The following BMPR2 variants were observed in gnomAD, a reference collection of about 807,000 sequenced individuals.
BMPR2 encodes bone morphogenetic protein receptor type-2.
A neutral mutation model predicts 100.8 loss-of-function variants in BMPR2; 29 were observed. The observed-to-expected ratio is 0.29, with a 90% CI of 0.21 to 0.39. The LOEUF (loss-of-function observed/expected upper bound fraction) is 0.39. Among genes scored for constraint, BMPR2 ranks in the 10% least tolerant of loss-of-function variants. The pLI is 1.00. For synonymous variants in BMPR2, 382 were observed against 442.3 expected (o/e 0.86, Z 1.71); for missense variants, 1,011 against 1,274.5 (o/e 0.79, Z 3.15).
At chr2:202,407,681 AT>A (rs540192889) in intron 1 of BMPR2, among the ~76,000 whole-genome samples, 201 of 151,002 alleles carry the variant, frequency 1.3e-3, no homozygotes, top group African/African-American at 4.6e-3. Flanking sequence ...AGGCAGGAGA[AT>A]GGAGTGAACC....
At chr2:202,558,961 A>T (rs1027694480) in intron 12 of BMPR2, among the ~76,000 whole-genome samples, 1 of 151,510 alleles carries the variant, frequency 6.6e-6, no homozygotes, top group Admixed American at 6.6e-5. Flanking sequence ...GTACTCTAAT[A>T]TTTCTGTTAT....
intron 1 of BMPR2, among the ~76,000 whole-genome samples, chr2:202,414,387 A>T (rs1324655353): frequency 6.6e-6 from 1 of 152,212 alleles, no homozygotes; most frequent in Non-Finnish European, 1.5e-5. Flanking sequence ...TATTGAATTT[A>T]GGCCAATTAA....
intron 10 of BMPR2, among the ~76,000 whole-genome samples, chr2:202,544,761 C>CTTTTTTTTTTT (rs56654364): frequency 4.2e-4 from 35 of 82,672 alleles, no homozygotes; most frequent in East Asian, 1.6e-3. Context: ...CTTTTTCTTT[C>CTTTTTTTTTTT]TTTTTTTTTT....
rs1323259863 is a variant in BMPR2 at position 202,565,795 on chromosome 2, A to G, written c.*5849A>G. On this transcript the variant is annotated 3_prime_UTR_variant, in exon 13 of 13. Transcript: ENST00000374580. The stretch of plus-strand genomic sequence containing the variant: ...TATTTTGCAACATAGACTGGACTAT[A>G]CAACTTTCATTTAACTTTTAGGTGA... The G allele has an allele frequency of 6.6e-6, 1 of 152,258 alleles. No individual in the cohort carries two copies. The highest frequency in any genetic ancestry group is 1.9e-4 in the East Asian group (1 of 5,206). The allele number at this position is 152,258 out of a possible 1,614,324, so 9.4% of individuals were successfully genotyped here.
chr2:202,422,844 T>G (rs1157466708), intron 1 of BMPR2, among the ~76,000 whole-genome samples: 3 of 151,980 alleles, frequency 2.0e-5, no homozygotes, highest in Non-Finnish European at 4.4e-5. Context: ...ACCCAGTTAA[T>G]TTTTCTGTTT....
rs1027107669 is a variant in BMPR2 at position 202,448,336 on chromosome 2, A to G, written c.77-16473A>G. The stretch of plus-strand genomic sequence containing the variant: ...CATGGTGGCTGGCGTAGTCCCAGCT[A>G]CTCGGGAGGCTGAGGCAGGAGAATG... On this transcript the variant is annotated intron_variant, in intron 1 of 12. Transcript: ENST00000374580. 4.0e-5 allele frequency among the ~76,000 whole-genome samples: 6 copies of G among 150,296 alleles called. 1 individual carries two copies. The South Asian group carries it at 1.3e-3, about 32-fold the overall frequency.
intron 1 of BMPR2, among the ~76,000 whole-genome samples, chr2:202,451,848 C>A (rs1440680530): frequency 1.3e-5 from 2 of 152,076 alleles, no homozygotes; most frequent in Admixed American, 1.3e-4. Context: ...CTCCCAGGTT[C>A]AAGCGATTCT....
intron 3 of BMPR2, among the ~76,000 whole-genome samples, chr2:202,494,852 C>T (rs1448688423): frequency 6.6e-6 from 1 of 152,118 alleles, no homozygotes; most frequent in African/African-American, 2.4e-5. Flanking sequence ...ATTTTTAGAC[C>T]ATGTGACAGA....
rs941678137 is a variant in BMPR2, at chr2:202,503,566, C to T, written c.419-10153C>T. On this transcript the variant is annotated intron_variant, in intron 3 of 12. Coordinates refer to ENST00000374580, the MANE Select transcript of BMPR2 (RefSeq NM_001204.7). The surrounding 1 kb of genome is among the most constrained non-coding windows in gnomAD (Gnocchi z 4.0). ...TCCCCCAGCAGTGCCAGCCCACCGG[C>T]GCTGCTCTCAGTTTCTCACTGGGTC... is the stretch of plus-strand genomic sequence containing the variant. Among the ~76,000 whole-genome samples, 3 of 152,238 alleles carry T rather than the reference C, an allele frequency of 2.0e-5. No individual in the cohort carries two copies. Among genetic ancestry groups the T allele is most frequent in the Non-Finnish European group, 2.9e-5 (2 of 68,044 alleles).
intron 1 of BMPR2, among the ~76,000 whole-genome samples, chr2:202,457,418 TTTC>T (rs1574459185): frequency 6.6e-6 from 1 of 151,650 alleles, no homozygotes; most frequent in Non-Finnish European, 1.5e-5. Context: ...TTTCTAGTGA[TTTC>T]TTCATCAATA....
At chr2:202,381,667 G>A (rs1361096736) in intron 1 of BMPR2, among the ~76,000 whole-genome samples, 2 of 152,208 alleles carry the variant, frequency 1.3e-5, no homozygotes, top group Non-Finnish European at 2.9e-5. Context: ...CATATAACCA[G>A]TAAGATGGTC....
intron 7 of BMPR2, 33 bp from the exon 8 acceptor site, chr2:202,530,760 AT>A: frequency 6.5e-7 from 1 of 1,549,692 alleles, no homozygotes; most frequent in Non-Finnish European, 8.9e-7. Flanking sequence ...AGTCCCTTTT[AT>A]TCATTGATAA....
chr2:202,488,155 C>T lies in BMPR2; in HGVS notation c.418+20466C>T, dbSNP rs542018708. 9.4e-4 allele frequency among the ~76,000 whole-genome samples: 143 copies of T among 152,220 alleles called. 1 individual carries two copies. Among genetic ancestry groups the T allele is most frequent in the African/African-American group, 3.3e-3 (139 of 41,540 alleles). On this transcript the variant is annotated intron_variant, in intron 3 of 12. Coordinates refer to ENST00000374580, the MANE Select transcript of BMPR2 (RefSeq NM_001204.7). ...AATATTGGCAATAAAGAGGTGAATACGATTTTGTTTCTCATTCTCTTTATT... is the reference window on the plus strand; with the variant it reads ...AATATTGGCAATAAAGAGGTGAATATGATTTTGTTTCTCATTCTCTTTATT...
At position 202,520,149 on chromosome 2, in the gene BMPR2, T is replaced by C; in HGVS notation, c.915T>C (p.Ala305=). ...TSDWVSSCRL[A]HSVTRGLAYL... is the part of the protein sequence containing the mutation. ...ACTGGGTAAGCTCTTGCCGTCTTGC[T>C]CATTCTGTTACTAGAGGACTGGCTT... The change falls in exon 7 of 13, where the codon GCT becomes GCC. Residue 305 remains alanine (A), a synonymous_variant. Coordinates refer to ENST00000374580, the MANE Select transcript of BMPR2 (RefSeq NM_001204.7). 6.2e-7 allele frequency: 1 copy of C among 1,613,944 alleles called. No individual in the cohort carries two copies. Among genetic ancestry groups the C allele is most frequent in the Non-Finnish European group, 8.5e-7 (1 of 1,179,958 alleles).
chr2:202,391,578 C>T (rs1271272467), intron 1 of BMPR2, among the ~76,000 whole-genome samples: 1 of 149,910 alleles, frequency 6.7e-6, no homozygotes, highest in Non-Finnish European at 1.5e-5. Context: ...AGGCATGCAC[C>T]AACACACCTG....
rs780018098 is a variant in BMPR2 at position 202,455,969 on chromosome 2, GC to G, written c.77-8839del. Among the ~76,000 whole-genome samples, 125 of 145,448 alleles carry G rather than the reference GC, an allele frequency of 8.6e-4. 1 individual carries two copies. The highest frequency in any genetic ancestry group is 1.9e-4 in the Non-Finnish European group (13 of 66,736). ...AGTCCCAGCTACTTGGGAGGCTGAG[GC>G]AGGAGAATGGTGTGAACCGGGGAGG... On this transcript the variant is annotated intron_variant, in intron 1 of 12. Coordinates refer to ENST00000374580, the MANE Select transcript of BMPR2 (RefSeq NM_001204.7).
chr2:202,454,741 T>A (rs957520636), intron 1 of BMPR2, among the ~76,000 whole-genome samples: 2 of 152,236 alleles, frequency 1.3e-5, no homozygotes, highest in African/African-American at 4.8e-5. Context: ...TTAGTATATT[T>A]ATATAAACTC....
chr2:202,427,503 AAAAC>A (rs1281524738), intron 1 of BMPR2, among the ~76,000 whole-genome samples: 1 of 151,962 alleles, frequency 6.6e-6, no homozygotes, highest in Non-Finnish European at 1.5e-5. Flanking sequence ...AGAAAAAAAA[AAAAC>A]AAGAAGCAAG....
At chr2:202,485,982 C>T (rs538883011) in intron 3 of BMPR2, among the ~76,000 whole-genome samples, 5 of 152,038 alleles carry the variant, frequency 3.3e-5, no homozygotes, top group Admixed American at 3.3e-4. Flanking sequence ...AAAGAACTGC[C>T]ATTGGCCTTT....
Sources: allele counts gnomAD v4.1 joint callset (sites outside exome capture counted in the v4.1 genomes callset), GRCh38; gene constraint gnomAD v4.1.1; non-coding constraint Gnocchi (gnomAD v3.1); transcripts MANE v1.5; gene names NCBI Gene and HGNC (gene_info 2026-07-23, HGNC 2026-07-21).